SEMA6D: variants seen among roughly 807,000 people sequenced by gnomAD.
SEMA6D encodes semaphorin-6D.
SEMA6D carries 35 observed loss-of-function variants against 106.6 expected under a neutral mutation model. The observed-to-expected ratio is 0.33, with a 90% CI of 0.25 to 0.44. SEMA6D has a LOEUF of 0.44. SEMA6D is among the 20% of genes least tolerant of loss of function. SEMA6D has a pLI of 1.00. For missense variants in SEMA6D, 1,185 were observed against 1,345.9 expected (o/e 0.88, Z 1.87); for synonymous variants, 499 against 487.7 (o/e 1.02, Z -0.31).
intron 1 of SEMA6D, among the ~76,000 whole-genome samples, chr15:47,294,327 G>A (rs374227122): frequency 2.0e-4 from 30 of 151,928 alleles, no homozygotes; most frequent in South Asian, 1.7e-3. Context: ...AGGTTCAAGC[G>A]ATTCTCCTGC....
intron 1 of SEMA6D, among the ~76,000 whole-genome samples, chr15:47,380,779 C>A (rs2039613308): frequency 6.6e-6 from 1 of 152,096 alleles, no homozygotes; most frequent in South Asian, 2.1e-4. Flanking sequence ...TATAATAAGT[C>A]AGTTAAGTAA....
intron 4 of SEMA6D, among the ~76,000 whole-genome samples, chr15:47,711,075 C>T (rs2079008256): frequency 6.6e-6 from 1 of 151,830 alleles, no homozygotes; most frequent in Admixed American, 6.6e-5. Context: ...TTTGGGAGGC[C>T]GAGGCGGGCG....
At chr15:47,213,326 T>A (rs1309995025) in intron 1 of SEMA6D, among the ~76,000 whole-genome samples, 3 of 152,182 alleles carry the variant, frequency 2.0e-5, no homozygotes, top group Non-Finnish European at 1.5e-5. Flanking sequence ...AGAGGTGAAT[T>A]TTTACATTTT....
intron 1 of SEMA6D, among the ~76,000 whole-genome samples, chr15:47,287,442 C>T (rs987007867): frequency 6.6e-6 from 1 of 152,136 alleles, no homozygotes; most frequent in African/African-American, 2.4e-5. Flanking sequence ...CTCATTTGAG[C>T]GCCCTAGATT....
At chr15:47,600,158 C>T (rs940128519) in intron 3 of SEMA6D, among the ~76,000 whole-genome samples, 2 of 152,076 alleles carry the variant, frequency 1.3e-5, no homozygotes, top group Non-Finnish European at 2.9e-5. Context: ...AACTGAGAAC[C>T]AGGCGTGGTG....
At chr15:47,548,269 G>C (rs2045582307) in intron 3 of SEMA6D, among the ~76,000 whole-genome samples, 1 of 152,160 alleles carries the variant, frequency 6.6e-6, no homozygotes, top group Admixed American at 6.6e-5. Context: ...CACTTCCAAA[G>C]TAGGCTTTAG....
intron 1 of SEMA6D, among the ~76,000 whole-genome samples, chr15:47,196,901 G>A (rs546983123): frequency 1.3e-5 from 2 of 152,268 alleles, no homozygotes; most frequent in South Asian, 2.1e-4. Context: ...GGTTGGGTTT[G>A]TGTGGCTGCT....
At chr15:47,219,088 C>T (rs2030946599) in intron 1 of SEMA6D, among the ~76,000 whole-genome samples, 1 of 152,208 alleles carries the variant, frequency 6.6e-6, no homozygotes, top group Non-Finnish European at 1.5e-5. Context: ...TAGCTTTAAA[C>T]TTGCTACTTG....
At chr15:47,552,551 C>CAA (rs2045735236) in intron 3 of SEMA6D, among the ~76,000 whole-genome samples, 1 of 145,118 alleles carries the variant, frequency 6.9e-6, no homozygotes, top group Non-Finnish European at 1.5e-5. Flanking sequence ...CACACACACA[C>CAA]ACACACATAT....
intron 2 of SEMA6D, among the ~76,000 whole-genome samples, chr15:47,417,517 A>C (rs2041012636): frequency 6.6e-6 from 1 of 152,006 alleles, no homozygotes; most frequent in Admixed American, 6.6e-5. Context: ...AGGTTGCCTG[A>C]AGGGGCAAGA....
chr15:47,757,804 A>G (rs963068931), intron 1 of SEMA6D, among the ~76,000 whole-genome samples: 9 of 152,314 alleles, frequency 5.9e-5, no homozygotes, highest in African/African-American at 1.4e-4. Context: ...CTTAAAGTCA[A>G]TCTGGTCATA....
At chr15:47,454,599 G>GCGCGCACACACACACA (rs113699947) in intron 2 of SEMA6D, among the ~76,000 whole-genome samples, 1 of 148,874 alleles carries the variant, frequency 6.7e-6, no homozygotes, top group African/African-American at 2.5e-5. Context: ...TTGCACATGT[G>GCGCGCACACACACACA]CACACACACA....
chr15:47,607,324 C>G (rs1320572524), intron 4 of SEMA6D, among the ~76,000 whole-genome samples: 1 of 152,120 alleles, frequency 6.6e-6, no homozygotes, highest in African/African-American at 2.4e-5. Context: ...AACTAACAAG[C>G]AGCCTTAGAA....
chr15:47,402,596 A>G (rs2146018532), intron 1 of SEMA6D, among the ~76,000 whole-genome samples: 1 of 152,332 alleles, frequency 6.6e-6, no homozygotes, highest in South Asian at 2.1e-4. Context: ...ACAGCTAATA[A>G]GTGGAAAACA....
intron 1 of SEMA6D, among the ~76,000 whole-genome samples, chr15:47,727,849 A>G (rs1170199038): frequency 6.6e-6 from 1 of 152,244 alleles, no homozygotes; most frequent in Non-Finnish European, 1.5e-5. Flanking sequence ...GCTTCAGGGC[A>G]TAAGGTGATT....
At chr15:47,207,993 G>GCACACACACA (rs57079521) in intron 1 of SEMA6D, among the ~76,000 whole-genome samples, 1,146 of 89,304 alleles carry the variant, frequency 0.013, 16 homozygotes, top group Non-Finnish European at 0.015. Context: ...TGGCGCGCGC[G>GCACACACACA]CACACACACA....
At chr15:47,624,830 G>C (rs995265169) in intron 4 of SEMA6D, among the ~76,000 whole-genome samples, 1 of 152,108 alleles carries the variant, frequency 6.6e-6, no homozygotes, top group African/African-American at 2.4e-5. Context: ...AGCAGAGTAA[G>C]GCATCTACTT....
At position 47,193,214 on chromosome 15, in the gene SEMA6D, A is replaced by G. The variant is rs1004510505; in HGVS notation, c.-239+8796A>G. 2.6e-5 allele frequency among the ~76,000 whole-genome samples: 4 copies of G among 152,150 alleles called. No individual in the cohort carries two copies. In the East Asian group the frequency reaches 5.8e-4, roughly 22 times the overall value. On this transcript the variant is annotated intron_variant, in intron 1 of 19. Transcript: ENST00000558014. ...CAGGTTACTTCTCTTCCATTTTCTC[A>G]TCAATAAAATTGACAATATTAATAC...
At chr15:47,556,645 T>C (rs2142550677) in intron 3 of SEMA6D, among the ~76,000 whole-genome samples, 1 of 152,272 alleles carries the variant, frequency 6.6e-6, no homozygotes, top group East Asian at 1.9e-4. Flanking sequence ...TAAAGATATT[T>C]TGGAAACACA....
Sources: gnomAD v4.1 joint callset for allele counts (sites outside exome capture counted in the v4.1 genomes callset) on GRCh38, gnomAD v4.1.1 for gene constraint, MANE v1.5 for transcripts, NCBI Gene and HGNC (gene_info 2026-07-23, HGNC 2026-07-21) for gene names.